Variants in DPY19L1 observed in about 807,000 individuals in gnomAD.
DPY19L1 encodes dpy-19 like C-mannosyltransferase 1.
DPY19L1 carries 35 observed loss-of-function variants against 96.9 expected under a neutral mutation model. That is an observed-to-expected ratio of 0.36 (90% CI 0.28 to 0.48). DPY19L1 has a LOEUF of 0.48. Among genes scored for constraint, DPY19L1 ranks in the 20% least tolerant of loss-of-function variants. The probability of loss-of-function intolerance (pLI) is 0.99; values close to 1 mark genes in which losing one functional copy is unlikely to be tolerated. For missense variants in DPY19L1, 521 were observed against 777.9 expected (o/e 0.67, Z 3.93); for synonymous variants, 205 against 252.6 (o/e 0.81, Z 1.79).
At chr7:35,028,164 T>A (rs1158213717) in intron 1 of DPY19L1, among the ~76,000 whole-genome samples, 1 of 152,172 alleles carries the variant, frequency 6.6e-6, no homozygotes, top group Non-Finnish European at 1.5e-5. Context: ...CAGGGGCACA[T>A]GACTGGGATA....
At chr7:34,986,000 T>C (rs1584237890) in intron 7 of DPY19L1, among the ~76,000 whole-genome samples, 6 of 152,152 alleles carry the variant, frequency 3.9e-5, no homozygotes, top group African/African-American at 1.4e-4. Context: ...TTATGTCATT[T>C]GAGACACTAT....
At chr7:34,962,463 G>A (rs950683057) in intron 10 of DPY19L1, among the ~76,000 whole-genome samples, 2 of 152,162 alleles carry the variant, frequency 1.3e-5, no homozygotes, top group Admixed American at 6.5e-5. Context: ...ATGAATAGGT[G>A]GAGCACAGAA....
At chr7:34,985,325 T>C (rs1175206959) in intron 7 of DPY19L1, among the ~76,000 whole-genome samples, 8 of 152,048 alleles carry the variant, frequency 5.3e-5, no homozygotes, top group African/African-American at 1.2e-4. Flanking sequence ...AATAGCCAAA[T>C]AGGATTGCGT....
At chr7:34,935,241 G>T (rs1049400452) in intron 21 of DPY19L1, among the ~76,000 whole-genome samples, 5 of 152,138 alleles carry the variant, frequency 3.3e-5, no homozygotes, top group Non-Finnish European at 7.3e-5. Context: ...AGGAAAAAGA[G>T]AGGGCAAACA....
chr7:34,943,152 A>G (rs1289203150), intron 16 of DPY19L1, among the ~76,000 whole-genome samples: 1 of 152,228 alleles, frequency 6.6e-6, no homozygotes, highest in East Asian at 1.9e-4. Context: ...TTTTTAATGA[A>G]TGAACAAGTG....
At chr7:34,963,046 T>A (rs1784533145) in intron 10 of DPY19L1, among the ~76,000 whole-genome samples, 1 of 151,786 alleles carries the variant, frequency 6.6e-6, no homozygotes, top group Admixed American at 6.6e-5. Flanking sequence ...AATACAAAAA[T>A]TAGCTGAGTG....
rs536098896 is a variant in DPY19L1, at chr7:34,985,301, A to G, written c.822+4583T>C. Among the ~76,000 whole-genome samples the G allele has an allele frequency of 1.9e-4, 29 of 152,256 alleles. No individual in the cohort carries two copies. In the South Asian group the frequency reaches 5.6e-3, roughly 29 times the overall value. On this transcript the variant is annotated intron_variant, in intron 7 of 21. Transcript: ENST00000638088. ...CTTGGATAAGACTGCAAAAGCACAG[A>G]CAAGGAAAGCAAAAATAGCCAAATA... is the stretch of plus-strand genomic sequence containing the variant.
intron 6 of DPY19L1, 61 bp from the exon 7 acceptor site, chr7:34,990,002 T>G: frequency 7.4e-7 from 1 of 1,360,032 alleles, no homozygotes; most frequent in Non-Finnish European, 1.0e-6. Context: ...AAGAAAAACC[T>G]TAAAACACAT....
At chr7:34,953,353 T>C (rs1784308617) in intron 13 of DPY19L1, among the ~76,000 whole-genome samples, 1 of 152,202 alleles carries the variant, frequency 6.6e-6, no homozygotes, top group South Asian at 2.1e-4. Flanking sequence ...ATGACAATAA[T>C]AGCTTTAACC....
chr7:34,930,614 C>T lies in DPY19L1; in HGVS notation c.*959G>A, dbSNP rs1215130792. The T allele has an allele frequency of 6.6e-6, 1 of 152,060 alleles. No individual in the cohort carries two copies. Among genetic ancestry groups the T allele is most frequent in the African/African-American group, 2.4e-5 (1 of 41,418 alleles). The allele number at this position is 152,060 out of a possible 1,614,324, so 9.4% of individuals were successfully genotyped here. ...TTACCATGTACTACAGTCTACTGTT[C>T]CACTATAAATGATGTCTAATCAAAT... On this transcript the variant is annotated 3_prime_UTR_variant, in exon 22 of 22. Transcript: ENST00000638088.
chr7:34,957,983 C>T lies in DPY19L1; in HGVS notation c.1179+1G>A. 1 of 1,558,918 alleles carries T rather than the reference C, an allele frequency of 6.4e-7. No homozygotes were observed. The highest frequency in any genetic ancestry group is 8.7e-7 in the Non-Finnish European group (1 of 1,149,738). ...CCATATAAGTGTTAAGGAATACTTACCCAAATAATTACCAAAGAAGAAGCA... is the reference window on the plus strand; with the variant it reads ...CCATATAAGTGTTAAGGAATACTTATCCAAATAATTACCAAAGAAGAAGCA... On this transcript the variant is annotated splice_donor_variant, in intron 11 of 21. Transcript: ENST00000638088. LOFTEE classifies it high-confidence loss of function.
At position 35,013,718 on chromosome 7, in the gene DPY19L1, T is replaced by C; in HGVS notation, c.412-13A>G. 5 of 1,569,304 alleles carry C rather than the reference T, an allele frequency of 3.2e-6. No homozygotes were observed. The highest frequency in any genetic ancestry group is 4.3e-6 in the Non-Finnish European group (5 of 1,154,980). Reference sequence around the variant, plus strand: ...AATAATATAGTCCCTGAAATAAAGATATGCTCAATTAAAATAACAAAAGGT... The same window carrying C: ...AATAATATAGTCCCTGAAATAAAGACATGCTCAATTAAAATAACAAAAGGT... On this transcript the variant is annotated splice_polypyrimidine_tract_variant and intron_variant, in intron 3 of 21. Transcript: ENST00000638088.
intron 10 of DPY19L1, among the ~76,000 whole-genome samples, chr7:34,962,794 C>T (rs1784527264): frequency 6.6e-6 from 1 of 152,112 alleles, no homozygotes; most frequent in African/African-American, 2.4e-5. Context: ...GTAGGTTTAT[C>T]AATTGTAACA....
At position 34,930,210 on chromosome 7, in the gene DPY19L1, C is replaced by T. The variant is rs555080819; in HGVS notation, c.*1363G>A. 1 of 152,316 alleles carries T rather than the reference C, an allele frequency of 6.6e-6. No homozygotes were observed. The highest frequency in any genetic ancestry group is 2.1e-4 in the South Asian group (1 of 4,828). The allele number at this position is 152,316 out of a possible 1,614,324, so 9.4% of individuals were successfully genotyped here. A position where few individuals can be genotyped will look rare whatever the true frequency, so the allele number is the denominator to read the frequency against. On this transcript the variant is annotated 3_prime_UTR_variant, in exon 22 of 22. Coordinates refer to ENST00000638088, the MANE Select transcript of DPY19L1 (RefSeq NM_001366673.1). ...AAATGTGTAGTCTGTCAGCCATAGT[C>T]ACGCTTTGCTTAGAATTTAAAACCC...
chr7:35,030,605 T>C (rs1432813749), intron 1 of DPY19L1, among the ~76,000 whole-genome samples: 3 of 152,026 alleles, frequency 2.0e-5, no homozygotes. Context: ...AAAACACACC[T>C]GACAATCAGC....
At chr7:34,947,577 A>T in intron 15 of DPY19L1, 53 bp downstream of exon 15, 2 of 1,516,782 alleles carry the variant, frequency 1.3e-6, no homozygotes, top group South Asian at 2.4e-5. Flanking sequence ...ACTACTATGT[A>T]AAAACAAGAA....
chr7:35,012,400 A>G (rs1785734973), intron 4 of DPY19L1, among the ~76,000 whole-genome samples: 2 of 152,180 alleles, frequency 1.3e-5, no homozygotes, highest in African/African-American at 4.8e-5. Flanking sequence ...TCTCCATCTC[A>G]AAGTCCACTT....
At chr7:34,943,415 A>AG (rs1439205010) in intron 16 of DPY19L1, among the ~76,000 whole-genome samples, 2 of 152,238 alleles carry the variant, frequency 1.3e-5, no homozygotes, top group Admixed American at 6.5e-5. Flanking sequence ...AGCCAAGGAA[A>AG]GGAATCACAG....
At chr7:34,946,286 G>T (rs868679089) in intron 15 of DPY19L1, among the ~76,000 whole-genome samples, 1 of 152,158 alleles carries the variant, frequency 6.6e-6, no homozygotes, top group African/African-American at 2.4e-5. Flanking sequence ...TCCACCAGCT[G>T]CTGCTTGAAT....
Sources: allele counts gnomAD v4.1 joint callset (sites outside exome capture counted in the v4.1 genomes callset), GRCh38; gene constraint gnomAD v4.1.1; transcripts MANE v1.5; gene names NCBI Gene and HGNC (gene_info 2026-07-23, HGNC 2026-07-21).